Variants in PCMTD1 observed in about 807,000 individuals in gnomAD.
PCMTD1 encodes the protein protein-L-isoaspartate O-methyltransferase domain-containing protein 1.
A neutral mutation model predicts 37.6 loss-of-function variants in PCMTD1; 12 were observed. The observed-to-expected ratio is 0.32, with a 90% CI of 0.20 to 0.52. The LOEUF (loss-of-function observed/expected upper bound fraction) is 0.52, where lower values mean the gene tolerates loss of function less well. PCMTD1 is among the 20% of genes least tolerant of loss of function. The pLI is 0.97. For synonymous variants in PCMTD1, 117 were observed against 135.8 expected (o/e 0.86, Z 0.96); for missense variants, 235 against 421.3 (o/e 0.56, Z 3.87).
chr8:51,873,328 TAAG>T (rs1485854949), intron 1 of PCMTD1, among the ~76,000 whole-genome samples: 1 of 152,172 alleles, frequency 6.6e-6, no homozygotes, highest in Non-Finnish European at 1.5e-5. Context: ...AAAAATATTG[TAAG>T]AAGAAACCAT....
intron 1 of PCMTD1, among the ~76,000 whole-genome samples, chr8:51,890,908 CAGA>C (rs1201600823): frequency 6.6e-6 from 1 of 152,180 alleles, no homozygotes; most frequent in Non-Finnish European, 1.5e-5. Context: ...GATTACATGG[CAGA>C]AGGACTTACA....
chr8:51,834,366 G>A (rs1411187446), intron 3 of PCMTD1, among the ~76,000 whole-genome samples: 1 of 152,106 alleles, frequency 6.6e-6, no homozygotes, highest in African/African-American at 2.4e-5. Flanking sequence ...TTTTATCTGG[G>A]CTGCTTGTTC....
chr8:51,836,536 A>G (rs889689402), intron 3 of PCMTD1, among the ~76,000 whole-genome samples: 1 of 152,106 alleles, frequency 6.6e-6, no homozygotes, highest in Non-Finnish European at 1.5e-5. Context: ...TTGTATCTCC[A>G]TCACCTATTA....
At chr8:51,898,706 T>C (rs2039048477) in intron 1 of PCMTD1, among the ~76,000 whole-genome samples, 1 of 139,844 alleles carries the variant, frequency 7.2e-6, no homozygotes, top group African/African-American at 2.7e-5. Flanking sequence ...CTCCCCGACC[T>C]CCCAAGTCCT....
chr8:51,866,302 A>T (rs932514686), intron 1 of PCMTD1, among the ~76,000 whole-genome samples: 3 of 151,970 alleles, frequency 2.0e-5, no homozygotes, highest in Non-Finnish European at 4.4e-5. Context: ...AATAGGAAAC[A>T]ATCCTAAAAT....
intron 1 of PCMTD1, among the ~76,000 whole-genome samples, chr8:51,895,540 T>C (rs866681667): frequency 1.3e-5 from 2 of 152,346 alleles, no homozygotes; most frequent in African/African-American, 4.8e-5. Context: ...CCGTGCATAA[T>C]GTTCCAAAAA....
chr8:51,894,564 G>T (rs1381835919), intron 1 of PCMTD1, among the ~76,000 whole-genome samples: 2 of 152,182 alleles, frequency 1.3e-5, no homozygotes, highest in Non-Finnish European at 2.9e-5. Context: ...GACCACATGA[G>T]AACAAAGGAT....
At chr8:51,828,506 A>G (rs2037954312) in intron 5 of PCMTD1, among the ~76,000 whole-genome samples, 1 of 152,180 alleles carries the variant, frequency 6.6e-6, no homozygotes, top group African/African-American at 2.4e-5. Context: ...ATCAGGATGT[A>G]ACCCCACCTC....
chr8:51,830,132 T>G (rs972972666), intron 5 of PCMTD1, among the ~76,000 whole-genome samples: 5 of 152,142 alleles, frequency 3.3e-5, no homozygotes, highest in Admixed American at 2.6e-4. Context: ...CCCCACCACC[T>G]TTGTTGGCCC....
chr8:51,883,725 G>C (rs1255590421), intron 1 of PCMTD1, among the ~76,000 whole-genome samples: 1 of 151,838 alleles, frequency 6.6e-6, no homozygotes, highest in Non-Finnish European at 1.5e-5. Context: ...CTTTTTTTTG[G>C]CATCTGAATT....
rs1346299268 is a variant in PCMTD1, at chr8:51,817,886, T to C, written c.*2465A>G. 4.4e-6 allele frequency: 2 copies of C among 456,706 alleles called. No homozygotes were observed. Among genetic ancestry groups the C allele is most frequent in the Non-Finnish European group, 8.8e-6 (2 of 227,000 alleles). The allele number at this position is 456,706 out of a possible 1,614,324, so 28.3% of individuals were successfully genotyped here. ...GCCCTGTCTCTAACTCACTGTATGT[T>C]TCAGGCAAAACATGCCACGGTTCTA... On this transcript the variant is annotated 3_prime_UTR_variant, in exon 6 of 6. Transcript: ENST00000522514.
rs149837544 is a variant in PCMTD1 at position 51,884,885 on chromosome 8, G to C, written c.-96+14045C>G. ...CAAGACCTGTTCTCAGCCTGGGATG[G>C]GCCTCTTCTTTGGGTGCTCAATTGT... On this transcript the variant is annotated intron_variant, in intron 1 of 5. Transcript: ENST00000522514. Among the ~76,000 whole-genome samples, 327 of 152,232 alleles carry C rather than the reference G, an allele frequency of 2.1e-3. 2 individuals carry two copies. Among genetic ancestry groups the C allele is most frequent in the African/African-American group, 7.4e-3 (309 of 41,536 alleles).
At chr8:51,887,385 T>G (rs997353323) in intron 1 of PCMTD1, among the ~76,000 whole-genome samples, 1 of 152,098 alleles carries the variant, frequency 6.6e-6, no homozygotes, top group Non-Finnish European at 1.5e-5. Context: ...CCATTTCTCA[T>G]CCAGCATACA....
chr8:51,884,579 G>A (rs2038838147), intron 1 of PCMTD1, among the ~76,000 whole-genome samples: 1 of 152,160 alleles, frequency 6.6e-6, no homozygotes, highest in Admixed American at 6.5e-5. Flanking sequence ...CAACTGATAG[G>A]TAATGTTCAG....
intron 2 of PCMTD1, among the ~76,000 whole-genome samples, chr8:51,846,800 T>C (rs1025829597): frequency 1.3e-5 from 2 of 152,218 alleles, no homozygotes; most frequent in African/African-American, 4.8e-5. Flanking sequence ...AAAATATGGT[T>C]TGCCATCTAG....
In PCMTD1 at chr8:51,872,997, A is replaced by G. The variant is rs1382835528; in HGVS notation, c.-95-11751T>C. On this transcript the variant is annotated intron_variant, in intron 1 of 5. Transcript: ENST00000522514. ...TCTAAGCATATTTACTTATTTACAAAGACATACACAGGTTAACTACAAAGT... is the reference window on the plus strand; with the variant it reads ...TCTAAGCATATTTACTTATTTACAAGGACATACACAGGTTAACTACAAAGT... Among the ~76,000 whole-genome samples the G allele has an allele frequency of 5.3e-5, 8 of 152,234 alleles. No homozygotes were observed. In the East Asian group the frequency reaches 1.5e-3, roughly 29 times the overall value.
At chr8:51,880,476 A>G (rs1379491243) in intron 1 of PCMTD1, among the ~76,000 whole-genome samples, 1 of 152,168 alleles carries the variant, frequency 6.6e-6, no homozygotes, top group African/African-American at 2.4e-5. Context: ...TCCTTAGGAA[A>G]TATCAACTCT....
chr8:51,829,201 A>T (rs1078888), intron 5 of PCMTD1, among the ~76,000 whole-genome samples: 104,058 of 151,570 alleles, frequency 0.69, 42,144 homozygotes, highest in Non-Finnish European at 0.9. Flanking sequence ...GTGGTCAACA[A>T]ATCTCCTTTG....
chr8:51,884,300 A>G (rs1330698587), intron 1 of PCMTD1, among the ~76,000 whole-genome samples: 2 of 152,228 alleles, frequency 1.3e-5, no homozygotes, highest in Non-Finnish European at 2.9e-5. Flanking sequence ...CTCCATTTTT[A>G]TATTTCAGTA....
Sources: gnomAD v4.1 joint callset for allele counts (sites outside exome capture counted in the v4.1 genomes callset) on GRCh38, gnomAD v4.1.1 for gene constraint, MANE v1.5 for transcripts, NCBI Gene and HGNC (gene_info 2026-07-23, HGNC 2026-07-21) for gene names.